Variants in PCDHGB6 observed in about 807,000 individuals in gnomAD.
PCDHGB6 encodes the protein protocadherin gamma-B6.
PCDHGB6 carries 51 observed loss-of-function variants against 59.1 expected under a neutral mutation model. That is an observed-to-expected ratio of 0.86 (90% confidence interval 0.69 to 1.09). The LOEUF (loss-of-function observed/expected upper bound fraction) is 1.09. Ranked by LOEUF, PCDHGB6 falls within the 50% of genes least tolerant of loss-of-function variation. The pLI, the probability that PCDHGB6 is intolerant of heterozygous loss-of-function variation, is 0.00. For missense variants in PCDHGB6, 1,148 were observed against 1,205.1 expected (o/e 0.95, Z 0.70); for synonymous variants, 466 against 495.1 (o/e 0.94, Z 0.78).
intron 2 of PCDHGB6, among the ~76,000 whole-genome samples, chr5:141,497,661 T>A (rs1485909952): frequency 3.3e-5 from 5 of 151,062 alleles, no homozygotes; most frequent in African/African-American, 4.9e-5. Context: ...TGCCTCAGCC[T>A]CCCGAGTAGC....
rs535194185 is a variant in PCDHGB6, at chr5:141,485,480, A to C, written c.2419-9327A>C. 6.2e-7 allele frequency: 1 copy of C among 1,614,154 alleles called. No individual in the cohort carries two copies. The highest frequency in any genetic ancestry group is 1.7e-5 in the Admixed American group (1 of 60,020). On this transcript the variant is annotated intron_variant, in intron 1 of 3. Coordinates refer to ENST00000520790, the MANE Select transcript of PCDHGB6 (RefSeq NM_018926.3). This position sits in a 1 kb window ranked among gnomAD's most constrained non-coding sequence, Gnocchi z 5.7. The stretch of plus-strand genomic sequence containing the variant: ...ACTGTGTGGGCTCAGTGCCAGCTGC[A>C]TCGTGCCCCTGGAGTTTGTCACCGA...
chr5:141,422,838 C>T (rs201218542), intron 1 of PCDHGB6: 182 of 1,614,252 alleles, frequency 1.1e-4, no homozygotes, highest in Middle Eastern at 1.6e-4. Context: ...TAGCACGTGA[C>T]AGCGGGGACC....
At chr5:141,494,326 G>C (rs2154591458) in intron 1 of PCDHGB6, among the ~76,000 whole-genome samples, 1 of 152,312 alleles carries the variant, frequency 6.6e-6, no homozygotes, top group Middle Eastern at 3.4e-3. Context: ...GGCACCAAAA[G>C]GGTTACCAAG....
In PCDHGB6 at chr5:141,418,047, C is replaced by G. The variant is rs968352679; in HGVS notation, c.2418+7427C>G. The G allele has an allele frequency of 6.2e-6, 10 of 1,613,894 alleles. No individual in the cohort carries two copies. The highest frequency in any genetic ancestry group is 1.6e-4 in the Middle Eastern group (1 of 6,076). ...GGGCTTAGTGTCCTGGATGTGTCGG[C>G]TCGCGAGCTGCGAGTGAGCGCGGAG... On this transcript the variant is annotated intron_variant, in intron 1 of 3. Transcript: ENST00000520790.
intron 2 of PCDHGB6, among the ~76,000 whole-genome samples, chr5:141,500,184 T>TTTTTTTTATTTATTTA (rs1554186429): frequency 7.4e-6 from 1 of 135,886 alleles, no homozygotes; most frequent in African/African-American, 2.7e-5. Flanking sequence ...TCATTTTTAT[T>TTTTTTTTATTTATTTA]TTTATTTATT....
At chr5:141,421,306 T>C (rs1356157966) in intron 1 of PCDHGB6, 1 of 1,613,564 alleles carries the variant, frequency 6.2e-7, no homozygotes, top group South Asian at 1.1e-5. Context: ...GCTGCGGGGG[T>C]TCCGGGCCAG....
intron 2 of PCDHGB6, among the ~76,000 whole-genome samples, chr5:141,503,608 AAAAAAAG>A (rs1483073868): frequency 3.3e-5 from 5 of 151,876 alleles, no homozygotes; most frequent in South Asian, 2.1e-4. Context: ...CAAAAAAAAA[AAAAAAAG>A]AAAAAAGAAA....
At chr5:141,433,400 TATCTATTA>T (rs1426636766) in intron 1 of PCDHGB6, among the ~76,000 whole-genome samples, 16 of 151,506 alleles carry the variant, frequency 1.1e-4, no homozygotes, top group African/African-American at 3.4e-4. Context: ...TCTATCTATC[TATCTATTA>T]CTTTCTTGTA....
chr5:141,497,538 AC>A lies in PCDHGB6; in HGVS notation c.2477+2675del, dbSNP rs1247704872. Among the ~76,000 whole-genome samples, 601 of 142,636 alleles carry A rather than the reference AC, an allele frequency of 4.2e-3. 3 individuals are homozygous for A. Among genetic ancestry groups the A allele is most frequent in the African/African-American group, 0.013 (497 of 38,408 alleles). The allele number at this position is 142,636 out of a possible 152,430, so 93.6% of individuals were successfully genotyped here. On this transcript the variant is annotated intron_variant, in intron 2 of 3. Coordinates refer to ENST00000520790, the MANE Select transcript of PCDHGB6 (RefSeq NM_018926.3). ...AGTTAACTTGTGGAGGATGCAACAA[AC>A]CTTTTTTTTTTTTTTTTTTAGACAG...
At chr5:141,420,284 TA>T in intron 1 of PCDHGB6, 2 of 1,505,934 alleles carry the variant, frequency 1.3e-6, no homozygotes, top group East Asian at 2.3e-5. Context: ...GGTAAGTATT[TA>T]AAAATGTATT....
chr5:141,477,042 G>A lies in PCDHGB6; in HGVS notation c.2419-17765G>A. ...ACCGGGATGCTGACAATCAAGGGTC[G>A]GCTGGACTTCGAGGACACCAAACTC... On this transcript the variant is annotated intron_variant, in intron 1 of 3. Transcript: ENST00000520790. This position sits in a 1 kb window ranked among gnomAD's most constrained non-coding sequence, Gnocchi z 4.9. 1 of 1,614,238 alleles carries A rather than the reference G, an allele frequency of 6.2e-7. No homozygotes were observed. Among genetic ancestry groups the A allele is most frequent in the Non-Finnish European group, 8.5e-7 (1 of 1,180,040 alleles).
At chr5:141,458,318 A>T (rs1420197662) in intron 1 of PCDHGB6, among the ~76,000 whole-genome samples, 1 of 152,128 alleles carries the variant, frequency 6.6e-6, no homozygotes, top group Non-Finnish European at 1.5e-5. Context: ...ACACAGACAC[A>T]TGTGGAGTGG....
intron 1 of PCDHGB6, chr5:141,416,557 T>C (rs1428283225): frequency 3.9e-5 from 6 of 152,112 alleles, no homozygotes; most frequent in Non-Finnish European, 8.8e-5. Flanking sequence ...CCTGAAACTC[T>C]GAAAACTCTG....
At chr5:141,433,347 C>T (rs1207853986) in intron 1 of PCDHGB6, 3 of 626,596 alleles carry the variant, frequency 4.8e-6, no homozygotes, top group Non-Finnish European at 8.3e-6. Context: ...GTGCAAGCCA[C>T]CTACTGTCTG....
At position 141,416,146 on chromosome 5, in the gene PCDHGB6, G is replaced by T. The variant is rs114133295; in HGVS notation, c.2418+5526G>T. 4.2e-3 allele frequency: 636 copies of T among 153,236 alleles called. 7 individuals carry two copies. Among genetic ancestry groups the T allele is most frequent in the South Asian group, 0.03 (145 of 4,832 alleles). 9.5% of individuals were successfully genotyped at this position (153,236 alleles called of 1,614,324 possible). Reference sequence around the variant, plus strand: ...TATATTTTTCAATCTATACTTTGTGGTGATAGTTGCAGTTGAATATACTAA... The same window carrying T: ...TATATTTTTCAATCTATACTTTGTGTTGATAGTTGCAGTTGAATATACTAA... On this transcript the variant is annotated intron_variant, in intron 1 of 3. Transcript: ENST00000520790.
At position 141,491,049 on chromosome 5, in the gene PCDHGB6, G is replaced by C; in HGVS notation, c.2419-3758G>C. The C allele has an allele frequency of 1.2e-6, 2 of 1,614,116 alleles. No homozygotes were observed. Among genetic ancestry groups the C allele is most frequent in the Admixed American group, 3.3e-5 (2 of 60,024 alleles). On this transcript the variant is annotated intron_variant, in intron 1 of 3. Transcript: ENST00000520790. This position sits in a 1 kb window ranked among gnomAD's most constrained non-coding sequence, Gnocchi z 6.9. ...TGGATGCTGATGCAGGCCACAATGC[G>C]TGGCTCTCCTACTCACTGTTGCCAC...
At chr5:141,430,301 C>G (rs985986465) in intron 1 of PCDHGB6, among the ~76,000 whole-genome samples, 2 of 150,982 alleles carry the variant, frequency 1.3e-5, no homozygotes, top group Non-Finnish European at 2.9e-5. Context: ...AGCAGATGCA[C>G]TAACATTATA....
At chr5:141,430,781 C>G in intron 1 of PCDHGB6, 8 of 1,510,922 alleles carry the variant, frequency 5.3e-6, no homozygotes, top group Non-Finnish European at 7.1e-6. Context: ...GCGACTGCAC[C>G]GGGACTACAA....
intron 1 of PCDHGB6, chr5:141,423,599 C>T (rs1185412610): frequency 6.2e-7 from 1 of 1,612,844 alleles, no homozygotes; most frequent in Non-Finnish European, 8.5e-7. Context: ...AAAAGCGAGC[C>T]ACTCTTGATA....
Sources: gnomAD v4.1 joint callset for allele counts (sites outside exome capture counted in the v4.1 genomes callset) on GRCh38, gnomAD v4.1.1 for gene constraint, Gnocchi (gnomAD v3.1) non-coding constraint, MANE v1.5 for transcripts, NCBI Gene and HGNC (gene_info 2026-07-23, HGNC 2026-07-21) for gene names.